TRIM23: variants seen among roughly 807,000 people sequenced by gnomAD.
The protein encoded by TRIM23 is E3 ubiquitin-protein ligase TRIM23.
TRIM23 carries 27 observed loss-of-function variants against 71.0 expected under a neutral mutation model. The ratio of observed to expected loss-of-function variants is 0.38; its 90% CI spans 0.28 to 0.52. The LOEUF (loss-of-function observed/expected upper bound fraction) is 0.52. TRIM23 is among the 20% of genes least tolerant of loss of function. TRIM23 has a pLI of 0.84. For synonymous variants in TRIM23, 234 were observed against 238.0 expected (o/e 0.98, Z 0.16); for missense variants, 482 against 692.3 (o/e 0.70, Z 3.41).
At position 65,591,903 on chromosome 5, in the gene TRIM23, T is replaced by G; in HGVS notation, c.1591A>C (p.Ser531Arg). Residue 531 changes from serine to arginine, a missense_variant, in exon 11 of 11, where the codon AGT becomes CGT. By Grantham distance (110) the Ser-to-Arg change is moderately radical. Around this residue, in one of 2 missense-constraint regions of TRIM23, gnomAD observed 307 missense variants for 495.8 expected, o/e 0.62. Coordinates refer to ENST00000231524, the MANE Select transcript of TRIM23 (RefSeq NM_001656.4). ...CGGCCACAGCATAATTTATGGAGAC[T>G]GAGTAGTTCAGTGATTTCTTCTACT... ...LSVEEITELL[S>R]LHKLCCGRSW... 1 of 1,613,926 alleles carries G rather than the reference T, an allele frequency of 6.2e-7. No individual in the cohort carries two copies. The highest frequency in any genetic ancestry group is 8.5e-7 in the Non-Finnish European group (1 of 1,179,900).
At chr5:65,623,857 G>A (rs953357116) in intron 1 of TRIM23, among the ~76,000 whole-genome samples, 4 of 152,216 alleles carry the variant, frequency 2.6e-5, no homozygotes, top group African/African-American at 9.6e-5. Context: ...TTACGATGAT[G>A]ATGACTCAAT....
intron 7 of TRIM23, among the ~76,000 whole-genome samples, chr5:65,599,623 A>G (rs1754308655): frequency 6.6e-6 from 1 of 152,246 alleles, no homozygotes; most frequent in Non-Finnish European, 1.5e-5. Context: ...TTCCATGTCC[A>G]TGGATTGAAA....
Position 65,591,665 on chromosome 5 carries a change from A to ATATG in TRIM23, c.*103_*104insCATA. The ATATG allele has an allele frequency of 1.9e-6, 2 of 1,033,520 alleles. No homozygotes were observed. Among genetic ancestry groups the ATATG allele is most frequent in the Non-Finnish European group, 1.3e-6 (1 of 775,908 alleles). The allele number at this position is 1,033,520 out of a possible 1,614,324, so 64.0% of individuals were successfully genotyped here. On this transcript the variant is annotated 3_prime_UTR_variant, in exon 11 of 11. Transcript: ENST00000231524. ...TTCCTTTATATATATATATATATAT[A>ATATG]TGCATCCTAAATTACCATCTTTTGA... is the stretch of plus-strand genomic sequence containing the variant.
chr5:65,612,925 T>C (rs765476970), intron 3 of TRIM23, among the ~76,000 whole-genome samples: 3 of 152,248 alleles, frequency 2.0e-5, no homozygotes, highest in African/African-American at 7.2e-5. Context: ...TAATTACTTT[T>C]ATTTCAAGTA....
intron 10 of TRIM23, among the ~76,000 whole-genome samples, chr5:65,593,929 T>TA (rs1468309030): frequency 6.6e-6 from 1 of 152,202 alleles, no homozygotes; most frequent in Non-Finnish European, 1.5e-5. Context: ...ATGATCTTAT[T>TA]ACCCACTAAT....
At chr5:65,595,798 T>C (rs1358720752) in intron 9 of TRIM23, among the ~76,000 whole-genome samples, 2 of 152,092 alleles carry the variant, frequency 1.3e-5, no homozygotes, top group Non-Finnish European at 2.9e-5. Context: ...AAAATAATTA[T>C]TCAGTCTCTC....
intron 1 of TRIM23, among the ~76,000 whole-genome samples, chr5:65,622,614 T>G (rs1461977511): frequency 1.3e-5 from 2 of 152,256 alleles, no homozygotes; most frequent in Non-Finnish European, 2.9e-5. Flanking sequence ...CAATAAATAC[T>G]TCTTGCTTTC....
intron 5 of TRIM23, among the ~76,000 whole-genome samples, chr5:65,610,355 G>A (rs2150634822): frequency 6.6e-6 from 1 of 152,202 alleles, no homozygotes; most frequent in South Asian, 2.1e-4. Context: ...TCTTTAACAT[G>A]GCTGACAAGA....
At position 65,624,027 on chromosome 5, in the gene TRIM23, T is replaced by C. The variant is rs555900527; in HGVS notation, c.81+167A>G. Among the ~76,000 whole-genome samples the C allele has an allele frequency of 7.2e-5, 11 of 152,216 alleles. No individual in the cohort carries two copies. In the South Asian group the frequency reaches 2.1e-3, roughly 29 times the overall value. On this transcript the variant is annotated intron_variant, in intron 1 of 10. Coordinates refer to ENST00000231524, the MANE Select transcript of TRIM23 (RefSeq NM_001656.4). ...CAGAAGACCAGGCAATTTCAGGCCA[T>C]AGGAGAGAAAGGATGCAGAGGACAG...
Position 65,597,033 on chromosome 5 carries a change from A to G in TRIM23, c.1309+18T>C, listed in dbSNP as rs1754227255. On this transcript the variant is annotated intron_variant, in intron 8 of 10. Coordinates refer to ENST00000231524, the MANE Select transcript of TRIM23 (RefSeq NM_001656.4). ...CTAGGGTTTGTCTATTAAGGTAAAA[A>G]CCAATATTCATACTTACCAATTGTT... 6.8e-6 allele frequency: 11 copies of G among 1,613,082 alleles called. No individual in the cohort carries two copies. In the East Asian group the frequency reaches 2.5e-4, roughly 36 times the overall value.
intron 8 of TRIM23, 118 bp downstream of exon 8, chr5:65,596,933 T>C: frequency 7.1e-6 from 9 of 1,272,960 alleles, no homozygotes; most frequent in Non-Finnish European, 9.7e-6. Context: ...GAGATGCTGA[T>C]ATCTTAGAGC....
chr5:65,596,797 C>A (rs906924005), intron 8 of TRIM23, among the ~76,000 whole-genome samples: 1 of 152,094 alleles, frequency 6.6e-6, no homozygotes, highest in East Asian at 1.9e-4. Flanking sequence ...TACCCCCCAC[C>A]CCACACCCTC....
chr5:65,611,208 C>T (rs1754640126), intron 4 of TRIM23, among the ~76,000 whole-genome samples, 165 bp from the exon 5 acceptor site: 1 of 152,108 alleles, frequency 6.6e-6, no homozygotes, highest in African/African-American at 2.4e-5. Flanking sequence ...AACTGTACTG[C>T]AAAGAAGTAA....
intron 1 of TRIM23, among the ~76,000 whole-genome samples, chr5:65,621,233 T>TC (rs1245768830): frequency 6.6e-6 from 1 of 152,046 alleles, no homozygotes; most frequent in Admixed American, 6.5e-5. Context: ...GCACCTGTAG[T>TC]CCCAGCTACT....
intron 10 of TRIM23, among the ~76,000 whole-genome samples, chr5:65,594,072 T>C (rs1396065424): frequency 1.3e-5 from 2 of 152,228 alleles, no homozygotes; most frequent in South Asian, 2.1e-4. Context: ...ACCTGACATA[T>C]AGATCTGCTT....
chr5:65,613,824 T>A, intron 3 of TRIM23: 1 of 1,347,974 alleles, frequency 7.4e-7, no homozygotes, highest in Non-Finnish European at 9.7e-7. Context: ...TTCCATAATC[T>A]TCTTCCTCTT....
chr5:65,619,491 A>G (rs1754867858), intron 1 of TRIM23, among the ~76,000 whole-genome samples: 1 of 152,222 alleles, frequency 6.6e-6, no homozygotes, highest in Non-Finnish European at 1.5e-5. Context: ...AACACGAGGT[A>G]AAAAACAGAA....
In TRIM23 at chr5:65,598,481, T is replaced by C. The variant is rs139473419; in HGVS notation, c.1180-1301A>G. On this transcript the variant is annotated intron_variant, in intron 7 of 10. Coordinates refer to ENST00000231524, the MANE Select transcript of TRIM23 (RefSeq NM_001656.4). ...AACACATTAGGCCGGGCGTGGTGGC[T>C]CATGCCTGTAATCCCAGCACTTCGG... is the stretch of plus-strand genomic sequence containing the variant. Among the ~76,000 whole-genome samples, 490 of 152,296 alleles carry C rather than the reference T, an allele frequency of 3.2e-3. 3 individuals are homozygous for C. The highest frequency in any genetic ancestry group is 0.011 in the African/African-American group (450 of 41,558).
chr5:65,607,023 A>G lies in TRIM23; in HGVS notation c.1045-1978T>C, dbSNP rs567754262. 2.0e-5 allele frequency: 3 copies of G among 152,374 alleles called. No individual in the cohort carries two copies. The South Asian group carries it at 6.2e-4, about 32-fold the overall frequency. The allele number at this position is 152,374 out of a possible 1,614,324, so 9.4% of individuals were successfully genotyped here. A position where few individuals can be genotyped will look rare whatever the true frequency, so the allele number is the denominator to read the frequency against. On this transcript the variant is annotated intron_variant, in intron 6 of 10. Transcript: ENST00000231524. Reference sequence around the variant, plus strand: ...ATACATATTTGCTAAATGAATAAATATTCAGCATCCAGTATCATGCCAAGA... The same window carrying G: ...ATACATATTTGCTAAATGAATAAATGTTCAGCATCCAGTATCATGCCAAGA...
Sources: allele counts gnomAD v4.1 joint callset (sites outside exome capture counted in the v4.1 genomes callset), GRCh38; gene constraint gnomAD v4.1.1; regional missense constraint gnomAD v4.1.1; transcripts MANE v1.5; gene names NCBI Gene and HGNC (gene_info 2026-07-23, HGNC 2026-07-21).